The following MSR1 variants were observed in gnomAD, a reference collection of about 807,000 sequenced individuals.
The protein encoded by MSR1 is macrophage scavenger receptor 1.
Under a neutral mutation model 47.2 loss-of-function variants are expected in MSR1, and 53 were observed. The observed-to-expected ratio is 1.12, with a 90% CI of 0.90 to 1.41. The LOEUF is 1.41. Ranked by LOEUF, MSR1 falls within the 40% of genes most tolerant of loss-of-function variation. The pLI is 0.00. For missense variants in MSR1, 786 were observed against 546.9 expected (o/e 1.44, Z -4.36); for synonymous variants, 239 against 185.6 (o/e 1.29, Z -2.34).
chr8:16,147,086 A>C (rs1800719971), intron 7 of MSR1, among the ~76,000 whole-genome samples: 1 of 152,218 alleles, frequency 6.6e-6, no homozygotes, highest in South Asian at 2.1e-4. Context: ...TGCATGCTGA[A>C]AGTTCTACTA....
chr8:16,186,617 T>C (rs981992945), intron 1 of MSR1, among the ~76,000 whole-genome samples: 6 of 150,548 alleles, frequency 4.0e-5, no homozygotes, highest in Non-Finnish European at 5.9e-5. Context: ...AGCCCCATCA[T>C]CCCTTTCACC....
rs570886196 is a variant in MSR1 at position 16,133,906 on chromosome 8, G to A, written c.1033+9652C>T. On this transcript the variant is annotated intron_variant, in intron 8 of 9. Coordinates refer to ENST00000262101, the MANE Select transcript of MSR1 (RefSeq NM_138715.3). Reference sequence around the variant, plus strand: ...ACCTTAATTTCTAAGTCACAGTTGTGCAAGCCAAACCAGTTGAGATGTCTG... The same window carrying A: ...ACCTTAATTTCTAAGTCACAGTTGTACAAGCCAAACCAGTTGAGATGTCTG... 3.9e-5 allele frequency among the ~76,000 whole-genome samples: 6 copies of A among 152,310 alleles called. No homozygotes were observed. The South Asian group carries it at 1.2e-3, about 32-fold the overall frequency.
chr8:16,141,117 A>C lies in MSR1; in HGVS notation c.1033+2441T>G. The C allele has an allele frequency of 1.9e-6, 3 of 1,541,912 alleles. No homozygotes were observed. In the South Asian group the frequency reaches 3.4e-5, roughly 18 times the overall value. On this transcript the variant is annotated intron_variant, in intron 8 of 9. Coordinates refer to ENST00000262101, the MANE Select transcript of MSR1 (RefSeq NM_138715.3). ...CAGAAAGCCTTACAAAATTTTAAAG[A>C]TGCATATGAAAACATTCAATATAAA...
At chr8:16,185,430 G>C (rs1375754524) in intron 1 of MSR1, among the ~76,000 whole-genome samples, 1 of 152,056 alleles carries the variant, frequency 6.6e-6, no homozygotes, top group Non-Finnish European at 1.5e-5. Flanking sequence ...TTTCACTGTG[G>C]TTATATCATC....
chr8:16,159,423 G>A (rs1347833486), intron 5 of MSR1, among the ~76,000 whole-genome samples: 1 of 151,630 alleles, frequency 6.6e-6, no homozygotes, highest in Non-Finnish European at 1.5e-5. Context: ...AGTTCTTTAA[G>A]GCTCTAATTA....
intron 1 of MSR1, among the ~76,000 whole-genome samples, chr8:16,191,951 G>A (rs1802211176): frequency 6.6e-6 from 1 of 152,120 alleles, no homozygotes; most frequent in South Asian, 2.1e-4. Context: ...ATTATCTATA[G>A]CATTTTCATA....
chr8:16,173,453 A>T (rs1801547180), intron 3 of MSR1, among the ~76,000 whole-genome samples: 1 of 152,242 alleles, frequency 6.6e-6, no homozygotes, highest in Admixed American at 6.5e-5. Context: ...ATAAGCATAG[A>T]CATAAACAAA....
At chr8:16,177,786 C>A in intron 2 of MSR1, 100 bp downstream of exon 2, 1 of 887,346 alleles carries the variant, frequency 1.1e-6, no homozygotes, top group Non-Finnish European at 1.8e-6. Flanking sequence ...ATTATTTTAA[C>A]ATCCACTTAC....
rs1051859820 is a variant in MSR1 at position 16,109,179 on chromosome 8, C to T, written c.*906G>A. 2 of 138,672 alleles carry T rather than the reference C, an allele frequency of 1.4e-5. No homozygotes were observed. The highest frequency in any genetic ancestry group is 7.2e-5 in the Admixed American group (1 of 13,896). The allele number at this position is 138,672 out of a possible 1,614,324, so 8.6% of individuals were successfully genotyped here. A position where few individuals can be genotyped will look rare whatever the true frequency, so the allele number is the denominator to read the frequency against. On this transcript the variant is annotated 3_prime_UTR_variant, in exon 10 of 10. Transcript: ENST00000262101. ...GGACTAAAGACGCACCCCCCACCCC[C>T]CCCCCCGCCCTTTGGTTGTAAATGT...
In MSR1 at chr8:16,179,596, T is replaced by C. The variant is rs1235863104; in HGVS notation, c.-4-1604A>G. ...CTGGATCTTTTAAGAAAATTATTTA[T>C]TGGCCGGGCACAGTGGCTCACGCCT... is the stretch of plus-strand genomic sequence containing the variant. On this transcript the variant is annotated intron_variant, in intron 1 of 9. Transcript: ENST00000262101. 2.0e-5 allele frequency among the ~76,000 whole-genome samples: 3 copies of C among 152,146 alleles called. No individual in the cohort carries two copies. The East Asian group carries it at 5.8e-4, about 29-fold the overall frequency.
intron 3 of MSR1, among the ~76,000 whole-genome samples, chr8:16,173,973 A>C (rs1436380123): frequency 6.6e-6 from 1 of 152,104 alleles, no homozygotes; most frequent in African/African-American, 2.4e-5. Context: ...TTTATTGGCC[A>C]ACCATGTTGT....
chr8:16,151,090 T>G (rs1305188869), intron 6 of MSR1, among the ~76,000 whole-genome samples: 1 of 152,108 alleles, frequency 6.6e-6, no homozygotes. Flanking sequence ...TGATAAACTA[T>G]TGTAACAGTT....
At chr8:16,125,640 A>T (rs1175251687) in intron 8 of MSR1, among the ~76,000 whole-genome samples, 7 of 152,196 alleles carry the variant, frequency 4.6e-5, no homozygotes, top group Non-Finnish European at 1.0e-4. Context: ...ATACATATGT[A>T]GTAAATGCAC....
intron 7 of MSR1, among the ~76,000 whole-genome samples, chr8:16,148,853 A>G (rs555641520): frequency 4.6e-5 from 7 of 152,166 alleles, no homozygotes; most frequent in African/African-American, 1.2e-4. Flanking sequence ...GAGTAATAAA[A>G]AGAAATGAGC....
At chr8:16,127,151 G>A (rs1012275168) in intron 8 of MSR1, among the ~76,000 whole-genome samples, 2 of 152,034 alleles carry the variant, frequency 1.3e-5, no homozygotes, top group Non-Finnish European at 2.9e-5. Flanking sequence ...AGAACTTTTG[G>A]AAATCACATG....
In MSR1 at chr8:16,120,566, A is replaced by C. The variant is rs369626891; in HGVS notation, c.1074T>G (p.Pro358=). 3.1e-6 allele frequency: 5 copies of C among 1,596,378 alleles called. No individual in the cohort carries two copies. Among genetic ancestry groups the C allele is most frequent in the East Asian group, 4.6e-5 (2 of 43,848 alleles). ...GGAGTATCTCCACCCTCCCCTCGTG[A>C]GGGCCGCTCCCACCGACCAGTCGAA... ...TKVRLVGGSG[P]HEGRVEILHS... The change falls in exon 9 of 10, where the codon CCT becomes CCG. Residue 358 remains proline, a synonymous_variant. Transcript: ENST00000262101.
At chr8:16,155,769 G>A (rs1585168803) in intron 5 of MSR1, among the ~76,000 whole-genome samples, 1 of 151,836 alleles carries the variant, frequency 6.6e-6, no homozygotes, top group African/African-American at 2.4e-5. Context: ...GATTGAGAAA[G>A]GCATGAGGAA....
chr8:16,190,486 A>G (rs73205099), intron 1 of MSR1, among the ~76,000 whole-genome samples: 1 of 152,180 alleles, frequency 6.6e-6, no homozygotes, highest in Non-Finnish European at 1.5e-5. Context: ...ATTTTTTATT[A>G]TTAATGTAAG....
chr8:16,151,790 T>C (rs1266039127), intron 6 of MSR1, among the ~76,000 whole-genome samples: 2 of 152,104 alleles, frequency 1.3e-5, no homozygotes, highest in Non-Finnish European at 2.9e-5. Flanking sequence ...GTCCTAGGTG[T>C]CCTGCTCCAT....
Sources: allele counts gnomAD v4.1 joint callset (sites outside exome capture counted in the v4.1 genomes callset), GRCh38; gene constraint gnomAD v4.1.1; transcripts MANE v1.5; gene names NCBI Gene and HGNC (gene_info 2026-07-23, HGNC 2026-07-21).